Variants in TOP2B observed in about 807,000 individuals in gnomAD.
TOP2B encodes the protein DNA topoisomerase II beta.
Under a neutral mutation model 193.5 loss-of-function variants are expected in TOP2B, and 51 were observed. The ratio of observed to expected loss-of-function variants is 0.26; its 90% CI spans 0.21 to 0.33. The LOEUF is 0.33. TOP2B is among the 10% of genes least tolerant of loss of function. The pLI, the probability that TOP2B is intolerant of heterozygous loss-of-function variation, is 1.00. For synonymous variants in TOP2B, 634 were observed against 635.7 expected (o/e 1.00, Z 0.04); for missense variants, 1,378 against 1,909.3 (o/e 0.72, Z 5.19).
intron 1 of TOP2B, among the ~76,000 whole-genome samples, chr3:25,658,070 A>AAAAAAAAAAAC (rs1209427514): frequency 1.3e-5 from 1 of 74,612 alleles, no homozygotes; most frequent in Non-Finnish European, 2.5e-5. Context: ...CAAAAAAAAA[A>AAAAAAAAAAAC]AAAAAAAATT....
chr3:25,635,869 A>G, intron 7 of TOP2B, 67 bp downstream of exon 7: 3 of 1,366,856 alleles, frequency 2.2e-6, no homozygotes, highest in Non-Finnish European at 3.0e-6. Context: ...GCTTTAAAAA[A>G]GGAAGACCCA....
chr3:25,642,243 A>T (rs1413346415), intron 4 of TOP2B, 79 bp downstream of exon 4: 7 of 800,704 alleles, frequency 8.7e-6, no homozygotes, highest in Non-Finnish European at 1.4e-5. Context: ...ACCCATATAC[A>T]TTATTTGAGG....
chr3:25,664,244 C>G lies in TOP2B; in HGVS notation c.54G>C (p.Gly18=). 1.3e-6 allele frequency: 2 copies of G among 1,538,642 alleles called. No homozygotes were observed. The highest frequency in any genetic ancestry group is 1.7e-6 in the Non-Finnish European group (2 of 1,146,022). ...AGCCACTTACCACCCAGGTCAGTGC[C>G]CCGTTGCCGCCGCCCACGCCGGCTC... ...GAGAGVGGGN[G]ALTWVTLFDQ... The change falls in exon 1 of 36, where the codon GGG becomes GGC. Residue 18 remains glycine, a synonymous_variant. Coordinates refer to ENST00000264331, the MANE Select transcript of TOP2B (RefSeq NM_001330700.2).
intron 25 of TOP2B, 154 bp downstream of exon 25, chr3:25,618,264 T>A: frequency 1.6e-6 from 1 of 611,328 alleles, no homozygotes; most frequent in South Asian, 2.1e-5. Context: ...CTGTACTTTA[T>A]CTGTTCTGTG....
chr3:25,654,712 A>C (rs112614908), intron 1 of TOP2B, among the ~76,000 whole-genome samples: 84 of 152,302 alleles, frequency 5.5e-4, no homozygotes, highest in African/African-American at 1.9e-3. Context: ...CAGAAATCTA[A>C]AACAGTGTGG....
At chr3:25,641,444 T>C (rs113810331) in intron 4 of TOP2B, among the ~76,000 whole-genome samples, 102 of 152,280 alleles carry the variant, frequency 6.7e-4, no homozygotes, top group African/African-American at 2.3e-3. Flanking sequence ...CTTAAACTTC[T>C]GTATAAGTTG....
At chr3:25,614,472 C>A (rs1366604727) in intron 27 of TOP2B, among the ~76,000 whole-genome samples, 1 of 151,988 alleles carries the variant, frequency 6.6e-6, no homozygotes, top group East Asian at 1.9e-4. Flanking sequence ...CTTGAAAGAT[C>A]GTTGAGGGAG....
At chr3:25,611,057 C>T (rs1702356515) in intron 28 of TOP2B, among the ~76,000 whole-genome samples, 2 of 152,192 alleles carry the variant, frequency 1.3e-5, no homozygotes, top group Non-Finnish European at 2.9e-5. Flanking sequence ...AATCCAGTTT[C>T]AGACATGCTG....
intron 1 of TOP2B, 48 bp downstream of exon 1, chr3:25,664,181 G>A (rs1704012081): frequency 4.1e-6 from 6 of 1,461,500 alleles, no homozygotes; most frequent in Non-Finnish European, 5.5e-6. Context: ...CGCCCCCGCC[G>A]CGGGCCCGGA....
intron 34 of TOP2B, among the ~76,000 whole-genome samples, chr3:25,600,211 G>A (rs1366904524): frequency 6.6e-6 from 1 of 151,948 alleles, no homozygotes; most frequent in Non-Finnish European, 1.5e-5. Context: ...ATTTAAGTAG[G>A]GGCCAGATGT....
intron 11 of TOP2B, 38 bp from the exon 12 acceptor site, chr3:25,630,507 T>C (rs1263656448): frequency 1.4e-6 from 2 of 1,468,048 alleles, no homozygotes; most frequent in Non-Finnish European, 1.8e-6. Flanking sequence ...TAAAAATTTC[T>C]CATACTTTCA....
intron 1 of TOP2B, among the ~76,000 whole-genome samples, chr3:25,663,995 G>C (rs1704001467): frequency 6.6e-6 from 1 of 152,124 alleles, no homozygotes; most frequent in Non-Finnish European, 1.5e-5. Flanking sequence ...TCCCCCCAAA[G>C]TTTCAAGTAC....
chr3:25,608,063 G>A (rs977281421), intron 30 of TOP2B, among the ~76,000 whole-genome samples: 1 of 152,114 alleles, frequency 6.6e-6, no homozygotes, highest in African/African-American at 2.4e-5. Flanking sequence ...GAGATTACAG[G>A]CGTGAGCCAC....
Position 25,632,569 on chromosome 3 carries a change from T to C in TOP2B, c.1143A>G (p.Ile381Met). The change falls in exon 10 of 36, where the codon ATA (isoleucine) becomes ATG (methionine). Residue 381 changes from isoleucine (I) to methionine (M), a missense_variant. This residue lies in a region of TOP2B where 222 missense variants were observed against 306.6 expected (regional missense o/e 0.72). Transcript: ENST00000264331. ...SVKPFQVKNHIWVFINCLIEN... is the reference protein window; with the variant it reads ...SVKPFQVKNHMWVFINCLIEN... The stretch of plus-strand genomic sequence containing the variant: ...CAATAAGGCAATTAATAAAAACCCA[T>C]ATATGGTTTTTTACCTGTTGAAAAC... 6.3e-7 allele frequency: 1 copy of C among 1,597,510 alleles called. No homozygotes were observed. Among genetic ancestry groups the C allele is most frequent in the African/African-American group, 1.4e-5 (1 of 73,766 alleles).
intron 13 of TOP2B, among the ~76,000 whole-genome samples, 187 bp from the exon 14 acceptor site, chr3:25,629,332 G>T (rs1400807535): frequency 1.3e-5 from 2 of 152,012 alleles, no homozygotes; most frequent in African/African-American, 4.8e-5. Context: ...AGTAGTAATA[G>T]ACTGAATCTG....
chr3:25,610,471 G>C (rs1702341179), intron 28 of TOP2B, among the ~76,000 whole-genome samples: 1 of 152,154 alleles, frequency 6.6e-6, no homozygotes, highest in African/African-American at 2.4e-5. Context: ...GAAACACATA[G>C]GTTTGCCAGG....
chr3:25,600,861 T>C (rs1019689102), intron 34 of TOP2B, among the ~76,000 whole-genome samples: 2 of 152,224 alleles, frequency 1.3e-5, no homozygotes, highest in African/African-American at 4.8e-5. Context: ...TTCTTAGGGA[T>C]TCTTATTTAA....
intron 1 of TOP2B, among the ~76,000 whole-genome samples, chr3:25,645,998 T>C (rs570227649): frequency 1.2e-4 from 18 of 151,820 alleles, no homozygotes; most frequent in Middle Eastern, 6.8e-3. Flanking sequence ...CTCGAACTTC[T>C]GACCTCAGGT....
chr3:25,640,566 T>G (rs905955666), intron 4 of TOP2B, among the ~76,000 whole-genome samples: 12 of 152,236 alleles, frequency 7.9e-5, no homozygotes, highest in Admixed American at 7.2e-4. Flanking sequence ...TCCCTCCCTC[T>G]TCTGCCTACA....
Sources: allele counts gnomAD v4.1 joint callset (sites outside exome capture counted in the v4.1 genomes callset), GRCh38; gene constraint gnomAD v4.1.1; regional missense constraint gnomAD v4.1.1; transcripts MANE v1.5; gene names NCBI Gene and HGNC (gene_info 2026-07-23, HGNC 2026-07-21).